Variants in PAPSS1 observed in about 807,000 individuals in gnomAD.
PAPSS1 encodes the protein 3'-phosphoadenosine 5'-phosphosulfate synthase 1, also known as bifunctional 3'-phosphoadenosine 5'-phosphosulfate synthase 1.
PAPSS1 carries 50 observed loss-of-function variants against 72.0 expected under a neutral mutation model. The ratio of observed to expected loss-of-function variants is 0.69; its 90% CI spans 0.55 to 0.88. The LOEUF is 0.88. Among genes scored for constraint, PAPSS1 ranks in the 40% least tolerant of loss-of-function variants. PAPSS1 has a pLI of 0.00. For missense variants in PAPSS1, 657 were observed against 782.2 expected, an observed-to-expected ratio of 0.84 and a Z score of 1.91; for synonymous variants, 261 against 263.6, an observed-to-expected ratio of 0.99 and a Z score of 0.09.
intron 2 of PAPSS1, among the ~76,000 whole-genome samples, chr4:107,698,758 G>A (rs1226593426): frequency 6.6e-6 from 1 of 152,168 alleles, no homozygotes. Context: ...ACAACATTGT[G>A]AGTTTCACCT....
intron 5 of PAPSS1, among the ~76,000 whole-genome samples, chr4:107,663,628 C>T (rs1727244864): frequency 6.8e-6 from 1 of 148,104 alleles, no homozygotes; most frequent in African/African-American, 2.4e-5. Flanking sequence ...CAACTTGACC[C>T]AAATCCCTGC....
chr4:107,614,347 T>C lies in PAPSS1; in HGVS notation c.1777A>G (p.Lys593Glu). Residue 593 changes from lysine (K) to glutamate (E), a missense_variant, in exon 12 of 12, where the codon AAA (lysine) becomes GAA (glutamate). Coordinates refer to ENST00000265174, the MANE Select transcript of PAPSS1 (RefSeq NM_005443.5). ...FEFISGTRMR[K>E]LAREGQKPPE... ...GGTTTCTGGCCTTCTCGAGCAAGTT[T>C]GCGCATTCGTGTTCCTGAAATAAAT... The C allele has an allele frequency of 1.9e-6, 3 of 1,613,966 alleles. No homozygotes were observed. Among genetic ancestry groups the C allele is most frequent in the Middle Eastern group, 1.6e-4 (1 of 6,062 alleles).
At chr4:107,707,706 C>A (rs755494889) in intron 1 of PAPSS1, among the ~76,000 whole-genome samples, 3 of 152,184 alleles carry the variant, frequency 2.0e-5, no homozygotes, top group Non-Finnish European at 2.9e-5. Flanking sequence ...GATTTCTCTG[C>A]TACATCCAGG....
At chr4:107,634,867 G>A (rs1325467698) in intron 10 of PAPSS1, among the ~76,000 whole-genome samples, 6 of 137,604 alleles carry the variant, frequency 4.4e-5, no homozygotes, top group Non-Finnish European at 9.0e-5. Flanking sequence ...TGACGATCTC[G>A]GCTCAGTGCA....
intron 5 of PAPSS1, among the ~76,000 whole-genome samples, chr4:107,673,862 TA>T (rs1426751865): frequency 1.3e-5 from 2 of 152,238 alleles, no homozygotes; most frequent in Non-Finnish European, 2.9e-5. Flanking sequence ...GCAGAAGCTC[TA>T]TAAGCCAGAA....
intron 6 of PAPSS1, 24 bp downstream of exon 6, chr4:107,659,935 T>C: frequency 8.0e-7 from 1 of 1,250,842 alleles, no homozygotes; most frequent in East Asian, 2.3e-5. Flanking sequence ...TATCACTTAG[T>C]GTGAAAAGCA....
intron 4 of PAPSS1, among the ~76,000 whole-genome samples, chr4:107,684,524 A>G (rs1193170371): frequency 6.6e-6 from 1 of 152,198 alleles, no homozygotes; most frequent in Non-Finnish European, 1.5e-5. Flanking sequence ...TAAAGAGATT[A>G]AGATCTGAAT....
At chr4:107,653,718 C>A in intron 8 of PAPSS1, 92 bp from the exon 9 acceptor site, 1 of 918,762 alleles carries the variant, frequency 1.1e-6, no homozygotes, top group Non-Finnish European at 1.6e-6. Flanking sequence ...TCGTTGTAAG[C>A]TACTCTCATC....
At position 107,687,066 on chromosome 4, in the gene PAPSS1, T is replaced by G. The variant is rs1722805434; in HGVS notation, c.523A>C (p.Lys175Gln). Reference sequence around the variant, plus strand: ...TTAATTTCTCCTGCCCGGGCTTTTTTGTAGAGTCCTTTGACATCCCTCTGT... The same window carrying G: ...TTAATTTCTCCTGCCCGGGCTTTTTGGTAGAGTCCTTTGACATCCCTCTGT... ...CEQRDVKGLY[K>Q]KARAGEIKGF... Residue 175 changes from lysine (K) to glutamine (Q), a missense_variant, in exon 4 of 12, where the codon AAA becomes CAA. Lys to Gln is a moderately conservative substitution (Grantham distance 53, BLOSUM62 1). Coordinates refer to ENST00000265174, the MANE Select transcript of PAPSS1 (RefSeq NM_005443.5). The G allele has an allele frequency of 6.3e-7, 1 of 1,596,792 alleles. No homozygotes were observed. The highest frequency in any genetic ancestry group is 1.4e-5 in the African/African-American group (1 of 73,556).
rs779763827 is a variant in PAPSS1, at chr4:107,631,615, A to C, written c.1736+16T>G. The C allele has an allele frequency of 6.4e-7, 1 of 1,560,414 alleles. No individual in the cohort carries two copies. Among genetic ancestry groups the C allele is most frequent in the East Asian group, 2.2e-5 (1 of 44,564 alleles). ...CGAAGTACTTCAAAGATTTGTACAGAGAATGTAAGACTTACTGTTCAGAGT... is the reference window on the plus strand; with the variant it reads ...CGAAGTACTTCAAAGATTTGTACAGCGAATGTAAGACTTACTGTTCAGAGT... On this transcript the variant is annotated intron_variant, in intron 11 of 11. Transcript: ENST00000265174.
chr4:107,713,773 GA>G (rs70947093), intron 1 of PAPSS1, among the ~76,000 whole-genome samples: 21 of 146,522 alleles, frequency 1.4e-4, no homozygotes, highest in African/African-American at 4.5e-4. Context: ...AAAAAAAAAA[GA>G]AAAAAAAATA....
chr4:107,658,056 G>C (rs771501010), intron 6 of PAPSS1, among the ~76,000 whole-genome samples: 1 of 152,006 alleles, frequency 6.6e-6, no homozygotes, highest in Non-Finnish European at 1.5e-5. Context: ...AGGAAGCAAG[G>C]AATCTTTCCA....
At chr4:107,661,863 G>C (rs1727191399) in intron 5 of PAPSS1, among the ~76,000 whole-genome samples, 1 of 152,068 alleles carries the variant, frequency 6.6e-6, no homozygotes, top group Admixed American at 6.6e-5. Context: ...GAAAGACCTA[G>C]GTGCTACCAC....
intron 11 of PAPSS1, among the ~76,000 whole-genome samples, chr4:107,617,664 T>G (rs1725856973): frequency 6.6e-6 from 1 of 152,158 alleles, no homozygotes; most frequent in Non-Finnish European, 1.5e-5. Flanking sequence ...AACTCAGTAT[T>G]TCAACTCTCA....
At chr4:107,718,332 T>G (rs1723689020) in intron 1 of PAPSS1, 3 of 152,182 alleles carry the variant, frequency 2.0e-5, no homozygotes, top group African/African-American at 7.2e-5. Context: ...GCCTCCCTAT[T>G]GAACCTTACC....
At chr4:107,677,034 T>G (rs1727670301) in intron 5 of PAPSS1, among the ~76,000 whole-genome samples, 2 of 152,082 alleles carry the variant, frequency 1.3e-5, no homozygotes, top group Non-Finnish European at 2.9e-5. Context: ...AAAAATTAAT[T>G]CAAGATGGAT....
chr4:107,704,162 T>C (rs1313960116), intron 1 of PAPSS1, among the ~76,000 whole-genome samples: 2 of 152,216 alleles, frequency 1.3e-5, no homozygotes, highest in African/African-American at 4.8e-5. Context: ...TGTTAGAATA[T>C]AAAAACACTA....
chr4:107,693,064 T>C (rs1455009185), intron 3 of PAPSS1, among the ~76,000 whole-genome samples: 2 of 152,184 alleles, frequency 1.3e-5, no homozygotes, highest in African/African-American at 2.4e-5. Context: ...GGTGATGGGA[T>C]GATCTGTGTA....
chr4:107,615,067 A>C (rs1473867856), intron 11 of PAPSS1, among the ~76,000 whole-genome samples: 2 of 140,016 alleles, frequency 1.4e-5, no homozygotes, highest in Non-Finnish European at 3.1e-5. Context: ...TAATACTGGA[A>C]TATTAAGAGT....
Sources: allele counts gnomAD v4.1 joint callset (sites outside exome capture counted in the v4.1 genomes callset), GRCh38; gene constraint gnomAD v4.1.1; transcripts MANE v1.5; gene names NCBI Gene and HGNC (gene_info 2026-07-23, HGNC 2026-07-21).